Variants in EXOC6 observed in about 807,000 individuals in gnomAD.
EXOC6 encodes the protein exocyst complex component 6.
In EXOC6, 60 loss-of-function variants were observed where a neutral mutation model predicts 112.5. The observed-to-expected ratio is 0.53, with a 90% CI of 0.43 to 0.66. EXOC6 has a LOEUF of 0.66. Ranked by LOEUF, EXOC6 falls within the 30% of genes least tolerant of loss-of-function variation. The probability of loss-of-function intolerance (pLI) is 0.00; values close to 1 mark genes in which losing one functional copy is unlikely to be tolerated. For synonymous variants in EXOC6, 295 were observed against 308.0 expected (o/e 0.96, Z 0.44); for missense variants, 855 against 957.1 (o/e 0.89, Z 1.41).
intron 1 of EXOC6, among the ~76,000 whole-genome samples, chr10:92,849,168 C>A (rs61860812): frequency 6.6e-6 from 1 of 152,102 alleles, no homozygotes; most frequent in Admixed American, 6.5e-5. Flanking sequence ...TCCCCCTACT[C>A]CCCCGCGCGG....
chr10:92,926,073 G>A (rs186505233), intron 8 of EXOC6, among the ~76,000 whole-genome samples: 1 of 149,054 alleles, frequency 6.7e-6, no homozygotes, highest in East Asian at 2.0e-4. Flanking sequence ...AAAAACAAAT[G>A]CCCTAAGTCT....
chr10:93,019,046 G>A (rs1260893296), intron 20 of EXOC6, among the ~76,000 whole-genome samples: 1 of 151,820 alleles, frequency 6.6e-6, no homozygotes, highest in Non-Finnish European at 1.5e-5. Flanking sequence ...ACTGATGGTG[G>A]ACTAAAATAA....
intron 20 of EXOC6, among the ~76,000 whole-genome samples, chr10:93,048,119 C>G (rs1161868123): frequency 6.6e-6 from 1 of 152,116 alleles, no homozygotes; most frequent in Non-Finnish European, 1.5e-5. Context: ...CTGTGTGTTT[C>G]TGTGTGTGCA....
At chr10:92,842,360 G>GAA (rs34778339) in intron 1 of EXOC6, among the ~76,000 whole-genome samples, 9 of 107,134 alleles carry the variant, frequency 8.4e-5, no homozygotes, top group East Asian at 3.9e-4. Context: ...CTCTGTCTCA[G>GAA]AAAAAAAAAA....
chr10:92,847,334 G>A (rs1249732464), upstream of EXOC6, among the ~76,000 whole-genome samples: 1 of 152,228 alleles, frequency 6.6e-6, no homozygotes, highest in Non-Finnish European at 1.5e-5. Flanking sequence ...CAGCTGTCAA[G>A]TGATATTAAT....
chr10:93,036,282 C>T (rs1845512971), intron 20 of EXOC6, among the ~76,000 whole-genome samples: 1 of 151,940 alleles, frequency 6.6e-6, no homozygotes, highest in African/African-American at 2.4e-5. Context: ...CTTTCACAGT[C>T]ATTATTTCCC....
At chr10:92,956,789 C>T (rs1168104260) in intron 17 of EXOC6, among the ~76,000 whole-genome samples, 1 of 152,104 alleles carries the variant, frequency 6.6e-6, no homozygotes, top group Non-Finnish European at 1.5e-5. Context: ...AATTCATATA[C>T]TCTGAAGTTA....
At chr10:92,850,133 GTAGTT>G (rs1181202275) in intron 1 of EXOC6, among the ~76,000 whole-genome samples, 3 of 152,168 alleles carry the variant, frequency 2.0e-5, no homozygotes, top group Non-Finnish European at 2.9e-5. Context: ...AGTTACTAGA[GTAGTT>G]TATTTGTGAA....
At chr10:92,894,081 G>A (rs528314900) in intron 2 of EXOC6, among the ~76,000 whole-genome samples, 351 of 152,024 alleles carry the variant, frequency 2.3e-3, no homozygotes, top group Non-Finnish European at 2.7e-3. Flanking sequence ...CTTTCTTTAC[G>A]TTTAGAGCAC....
At chr10:92,829,397 C>CT (rs1334846263) in intron 1 of EXOC6, among the ~76,000 whole-genome samples, 1 of 152,194 alleles carries the variant, frequency 6.6e-6, no homozygotes, top group East Asian at 1.9e-4. Flanking sequence ...TCTCCTTTCT[C>CT]TTTCTTTTGC....
intron 14 of EXOC6, 25 bp from the exon 15 acceptor site, chr10:92,952,248 C>A: frequency 6.9e-7 from 1 of 1,448,350 alleles, no homozygotes; most frequent in Non-Finnish European, 9.6e-7. Flanking sequence ...ATTTCAAAAA[C>A]AATATTAACT....
At chr10:93,031,200 G>A (rs554969775) in intron 20 of EXOC6, among the ~76,000 whole-genome samples, 1 of 151,958 alleles carries the variant, frequency 6.6e-6, no homozygotes, top group Admixed American at 6.6e-5. Context: ...ACCTAGATAT[G>A]TTCTTTTTCC....
intron 1 of EXOC6, among the ~76,000 whole-genome samples, chr10:92,856,508 TTC>T (rs1000038172): frequency 1.3e-5 from 2 of 152,208 alleles, no homozygotes; most frequent in African/African-American, 4.8e-5. Flanking sequence ...TAAAATGTCC[TTC>T]TGTTATTAAT....
intron 1 of EXOC6, among the ~76,000 whole-genome samples, chr10:92,827,474 CAAAAAAAA>C (rs60863083): frequency 4.2e-4 from 14 of 33,206 alleles, no homozygotes; most frequent in South Asian, 5.3e-3. Context: ...GCCCTGTTGC[CAAAAAAAA>C]AAAAAAAAAA....
chr10:92,945,670 C>T (rs1302407047), intron 13 of EXOC6, among the ~76,000 whole-genome samples: 1 of 152,096 alleles, frequency 6.6e-6, no homozygotes, highest in African/African-American at 2.4e-5. Context: ...TTATTGTCTT[C>T]TAGTAGTTAC....
chr10:92,985,634 G>A (rs760956060), intron 18 of EXOC6, among the ~76,000 whole-genome samples: 1 of 152,064 alleles, frequency 6.6e-6, no homozygotes, highest in Non-Finnish European at 1.5e-5. Context: ...TTGTATGTTT[G>A]TAAGCATCAT....
intron 1 of EXOC6, among the ~76,000 whole-genome samples, chr10:92,877,435 A>G (rs1375665080): frequency 1.3e-5 from 2 of 152,182 alleles, no homozygotes; most frequent in Non-Finnish European, 2.9e-5. Context: ...CATCTGTGAG[A>G]TAGATATAAA....
intron 12 of EXOC6, among the ~76,000 whole-genome samples, chr10:92,938,745 C>A (rs1852496049): frequency 6.6e-6 from 1 of 152,090 alleles, no homozygotes; most frequent in Non-Finnish European, 1.5e-5. Context: ...ACGTAAAAGT[C>A]CTTGGCTTCA....
intron 12 of EXOC6, among the ~76,000 whole-genome samples, chr10:92,937,540 C>T (rs957617244): frequency 2.6e-5 from 4 of 152,074 alleles, no homozygotes; most frequent in African/African-American, 9.7e-5. Context: ...CCACAAGCTC[C>T]TTTAGTAAAT....
Sources: gnomAD v4.1 joint callset for allele counts (sites outside exome capture counted in the v4.1 genomes callset) on GRCh38, gnomAD v4.1.1 for gene constraint, MANE v1.5 for transcripts, NCBI Gene and HGNC (gene_info 2026-07-23, HGNC 2026-07-21) for gene names.